PARPBP: variants seen among roughly 807,000 people sequenced by gnomAD.
PARPBP encodes PCNA-interacting partner.
In PARPBP, 52 loss-of-function variants were observed where a neutral mutation model predicts 50.0. The observed-to-expected ratio is 1.04, with a 90% CI of 0.83 to 1.31. PARPBP has a LOEUF of 1.31. Ranked by LOEUF, PARPBP falls within the 50% of genes most tolerant of loss-of-function variation. PARPBP has a pLI of 0.00. For missense variants in PARPBP, 697 were observed against 672.0 expected (o/e 1.04, Z -0.41); for synonymous variants, 244 against 232.1 (o/e 1.05, Z -0.47).
chr12:102,151,520 G>T, intron 3 of PARPBP: 1 of 1,312,194 alleles, frequency 7.6e-7, no homozygotes, highest in Non-Finnish European at 1.1e-6. Context: ...TCCTTTGGGT[G>T]GGTCCCTGAT....
intron 5 of PARPBP, among the ~76,000 whole-genome samples, 156 bp from the exon 6 acceptor site, chr12:102,165,573 G>A (rs892880646): frequency 6.6e-6 from 1 of 151,976 alleles, no homozygotes; most frequent in Non-Finnish European, 1.5e-5. Context: ...TGTTTCTTTG[G>A]TTATTTACTT....
intron 4 of PARPBP, among the ~76,000 whole-genome samples, chr12:102,162,487 A>G (rs1428285774): frequency 6.6e-6 from 1 of 152,196 alleles, no homozygotes; most frequent in African/African-American, 2.4e-5. Flanking sequence ...GGATCGAAGT[A>G]GTTGAGAAGG....
intron 4 of PARPBP, among the ~76,000 whole-genome samples, chr12:102,156,097 C>A (rs1366507095): frequency 6.6e-6 from 1 of 151,780 alleles, no homozygotes; most frequent in African/African-American, 2.4e-5. Context: ...AAGTGGCCCG[C>A]CACCATCTTG....
In PARPBP at chr12:102,148,332, G is replaced by C; in HGVS notation, c.256G>C (p.Asp86His). The change falls in exon 3 of 11, where the codon GAC (aspartate) becomes CAC (histidine). Residue 86 changes from aspartate (D) to histidine (H), a missense_variant. Transcript: ENST00000327680. Reference sequence around the variant, plus strand: ...ACCAGTTGAAAACATGGACGTGACTGACCATTATGAGGACGTTAGGAAGAT... The same window carrying C: ...ACCAGTTGAAAACATGGACGTGACTCACCATTATGAGGACGTTAGGAAGAT... ...NLPVENMDVT[D>H]HYEDVRKIYD... 6.3e-7 allele frequency: 1 copy of C among 1,596,024 alleles called. No individual in the cohort carries two copies. The highest frequency in any genetic ancestry group is 8.6e-7 in the Non-Finnish European group (1 of 1,164,116).
At chr12:102,157,606 T>A (rs1192173893) in intron 4 of PARPBP, among the ~76,000 whole-genome samples, 1 of 152,110 alleles carries the variant, frequency 6.6e-6, no homozygotes, top group East Asian at 1.9e-4. Context: ...TGATGCAGAG[T>A]ATTTCATTTT....
chr12:102,139,541 G>A (rs1473373157), intron 2 of PARPBP, among the ~76,000 whole-genome samples: 1 of 152,192 alleles, frequency 6.6e-6, no homozygotes, highest in Non-Finnish European at 1.5e-5. Context: ...TGGTGAGAGA[G>A]GGCATCCCTG....
chr12:102,131,750 C>A (rs558263635), intron 2 of PARPBP, among the ~76,000 whole-genome samples: 1 of 152,230 alleles, frequency 6.6e-6, no homozygotes, highest in Admixed American at 6.5e-5. Flanking sequence ...AACCAGATAC[C>A]ACATGTTCTC....
intron 3 of PARPBP, 33 bp from the exon 4 acceptor site, chr12:102,153,836 C>A: frequency 8.9e-7 from 1 of 1,129,590 alleles, no homozygotes; most frequent in Non-Finnish European, 1.4e-6. Context: ...GTCAGCATAG[C>A]ATTTTATTAG....
At chr12:102,177,771 C>G (rs574086200) in intron 7 of PARPBP, among the ~76,000 whole-genome samples, 23 of 152,300 alleles carry the variant, frequency 1.5e-4, no homozygotes, top group Admixed American at 1.5e-3. Context: ...TCCTCTGTAA[C>G]AGACTGGCTT....
intron 2 of PARPBP, among the ~76,000 whole-genome samples, chr12:102,142,334 A>G (rs1257237233): frequency 1.3e-5 from 2 of 152,190 alleles, no homozygotes; most frequent in African/African-American, 2.4e-5. Context: ...TTTCAGCTCC[A>G]TCAGGTCATT....
intron 2 of PARPBP, among the ~76,000 whole-genome samples, chr12:102,142,665 G>C (rs1884793382): frequency 6.6e-6 from 1 of 152,140 alleles, no homozygotes; most frequent in Non-Finnish European, 1.5e-5. Flanking sequence ...GTACAGATGA[G>C]GTTTGGTGTG....
chr12:102,137,444 AT>A (rs1203088806), intron 2 of PARPBP, among the ~76,000 whole-genome samples: 1 of 152,080 alleles, frequency 6.6e-6, no homozygotes, highest in African/African-American at 2.4e-5. Flanking sequence ...GGTTTTTAGC[AT>A]GTTTTTTGAG....
At chr12:102,181,767 C>T (rs553266105) in intron 8 of PARPBP, among the ~76,000 whole-genome samples, 1 of 152,258 alleles carries the variant, frequency 6.6e-6, no homozygotes, top group Admixed American at 6.5e-5. Context: ...ACACCCCAGA[C>T]TAGATAATTT....
chr12:102,151,611 G>T, intron 3 of PARPBP: 1 of 1,535,662 alleles, frequency 6.5e-7, no homozygotes, highest in East Asian at 2.4e-5. Flanking sequence ...GAAGCTTGCT[G>T]CTGTCTAGGC....
chr12:102,131,489 G>A (rs564009811), intron 2 of PARPBP, among the ~76,000 whole-genome samples: 1 of 152,270 alleles, frequency 6.6e-6, no homozygotes, highest in Non-Finnish European at 1.5e-5. Context: ...CCATTATTGG[G>A]TATATATCCA....
At chr12:102,162,411 A>G (rs1887695778) in intron 4 of PARPBP, among the ~76,000 whole-genome samples, 1 of 152,228 alleles carries the variant, frequency 6.6e-6, no homozygotes, top group Non-Finnish European at 1.5e-5. Context: ...ATAGGCAAGA[A>G]TATGATTTCA....
rs115161813 is a variant in PARPBP, at chr12:102,189,147, G to T, written c.1264-6165G>T. ...ACATTGGTCATAATTCTTTCCAAAG[G>T]TCAGTTCACATCAGATTACTACCTA... On this transcript the variant is annotated intron_variant, in intron 9 of 10. Coordinates refer to ENST00000327680, the MANE Select transcript of PARPBP (RefSeq NM_017915.5). 7.1e-3 allele frequency among the ~76,000 whole-genome samples: 1,075 copies of T among 152,292 alleles called. 12 individuals carry two copies. Among genetic ancestry groups the T allele is most frequent in the African/African-American group, 0.024 (1,012 of 41,562 alleles).
At position 102,154,111 on chromosome 12, in the gene PARPBP, G is replaced by A. The variant is rs144167054; in HGVS notation, c.495+135G>A. 5.0e-4 allele frequency: 279 copies of A among 561,060 alleles called. 5 individuals are homozygous for A. The highest frequency in any genetic ancestry group is 3.7e-3 in the African/African-American group (198 of 53,362). The allele number at this position is 561,060 out of a possible 1,614,324, so 34.8% of individuals were successfully genotyped here. A position where few individuals can be genotyped will look rare whatever the true frequency, so the allele number is the denominator to read the frequency against. ...CTTTAGTATGTTTAAAACTGTATTCGCAAAGAATAATACATTGGAGGCTGG... is the reference window on the plus strand; with the variant it reads ...CTTTAGTATGTTTAAAACTGTATTCACAAAGAATAATACATTGGAGGCTGG... On this transcript the variant is annotated intron_variant, in intron 4 of 10. Transcript: ENST00000327680.
chr12:102,196,258 C>A lies in PARPBP; in HGVS notation c.1707C>A (p.Gly569=), dbSNP rs369447411. The change falls in exon 11 of 11, where the codon GGC becomes GGA. Residue 569 remains glycine, a synonymous_variant. Coordinates refer to ENST00000327680, the MANE Select transcript of PARPBP (RefSeq NM_017915.5). ...CTGCCAAGGACAAGTTGATTTCTGGCCAGGCAAAGTTAACTCAGTTTTTTA... is the reference window on the plus strand; with the variant it reads ...CTGCCAAGGACAAGTTGATTTCTGGACAGGCAAAGTTAACTCAGTTTTTTA... ...KCTAKDKLIS[G]QAKLTQFFRL 3 of 1,596,498 alleles carry A rather than the reference C, an allele frequency of 1.9e-6. No homozygotes were observed. The highest frequency in any genetic ancestry group is 8.5e-7 in the Non-Finnish European group (1 of 1,173,588).
Sources: gnomAD v4.1 joint callset for allele counts (sites outside exome capture counted in the v4.1 genomes callset) on GRCh38, gnomAD v4.1.1 for gene constraint, MANE v1.5 for transcripts, NCBI Gene and HGNC (gene_info 2026-07-23, HGNC 2026-07-21) for gene names.